ARID1B: variants seen among roughly 807,000 people sequenced by gnomAD.
The protein encoded by ARID1B is AT-rich interaction domain 1B.
ARID1B carries 30 observed loss-of-function variants against 212.3 expected under a neutral mutation model. The ratio of observed to expected loss-of-function variants is 0.14; its 90% confidence interval spans 0.11 to 0.19. ARID1B has a LOEUF of 0.19. Among genes scored for constraint, ARID1B ranks in the 10% least tolerant of loss-of-function variants. ARID1B has a pLI of 1.00. For synonymous variants in ARID1B, 1,402 were observed against 1,301.7 expected (o/e 1.08, Z -1.66); for missense variants, 2,891 against 3,204.0 (o/e 0.90, Z 2.36).
At chr6:156,970,579 C>T (rs1776859109) in intron 4 of ARID1B, among the ~76,000 whole-genome samples, 1 of 152,166 alleles carries the variant, frequency 6.6e-6, no homozygotes, top group South Asian at 2.1e-4. Flanking sequence ...TATTTTATTC[C>T]TATTTCATTA....
intron 8 of ARID1B, among the ~76,000 whole-genome samples, chr6:157,165,122 T>A (rs545170284): frequency 6.6e-6 from 1 of 152,316 alleles, no homozygotes; most frequent in South Asian, 2.1e-4. Flanking sequence ...CCCTGAACCA[T>A]ATAGGGATGT....
At chr6:157,044,740 G>A (rs1415457012) in intron 4 of ARID1B, among the ~76,000 whole-genome samples, 1 of 152,146 alleles carries the variant, frequency 6.6e-6, no homozygotes, top group African/African-American at 2.4e-5. Flanking sequence ...GCAGCCACCA[G>A]CCATGTGTGG....
At chr6:157,131,840 G>A (rs1400518570) in intron 6 of ARID1B, among the ~76,000 whole-genome samples, 4 of 152,064 alleles carry the variant, frequency 2.6e-5, no homozygotes, top group African/African-American at 9.7e-5. Flanking sequence ...ACAGGCACCT[G>A]CCACCGTGCC....
At chr6:156,924,269 T>C (rs904808299) in intron 3 of ARID1B, among the ~76,000 whole-genome samples, 3 of 152,230 alleles carry the variant, frequency 2.0e-5, no homozygotes, top group African/African-American at 7.2e-5. Context: ...AATTTCTTTT[T>C]CCTTTACAGT....
chr6:157,063,804 T>C (rs1024795233), intron 4 of ARID1B, among the ~76,000 whole-genome samples: 7 of 152,212 alleles, frequency 4.6e-5, no homozygotes, highest in African/African-American at 1.4e-4. Context: ...TATCACAGGG[T>C]GACATTCCTT....
At chr6:156,908,920 G>A (rs901754336) in intron 3 of ARID1B, among the ~76,000 whole-genome samples, 11 of 151,992 alleles carry the variant, frequency 7.2e-5, no homozygotes, top group African/African-American at 2.4e-4. Flanking sequence ...CAGATACACA[G>A]AATGACATAA....
chr6:156,954,931 C>T (rs913492778), intron 4 of ARID1B, among the ~76,000 whole-genome samples: 1 of 152,234 alleles, frequency 6.6e-6, no homozygotes, highest in African/African-American at 2.4e-5. Context: ...AGGGCAGGCT[C>T]CAAAGGCATG....
At chr6:157,110,606 C>A in intron 6 of ARID1B, 45 bp downstream of exon 6, 1 of 1,575,110 alleles carries the variant, frequency 6.3e-7, no homozygotes, top group Non-Finnish European at 8.7e-7. Flanking sequence ...TGCTTTCAGG[C>A]GATAAGGCGT....
chr6:156,860,087 A>G (rs891223440), intron 2 of ARID1B, among the ~76,000 whole-genome samples: 1 of 152,254 alleles, frequency 6.6e-6, no homozygotes, highest in Non-Finnish European at 1.5e-5. Flanking sequence ...CATTGCATAA[A>G]TGACATGAAT....
intron 13 of ARID1B, chr6:157,186,281 A>G: frequency 2.9e-6 from 1 of 348,524 alleles, no homozygotes; most frequent in Non-Finnish European, 5.8e-6. Flanking sequence ...TGTCATTTTT[A>G]TGGCAACATT....
chr6:157,061,550 A>G, intron 4 of ARID1B, among the ~76,000 whole-genome samples: 1 of 151,722 alleles, frequency 6.6e-6, no homozygotes, highest in East Asian at 1.9e-4. Context: ...TATTGCCTTT[A>G]CCATCTCAGG....
intron 5 of ARID1B, among the ~76,000 whole-genome samples, chr6:157,091,987 G>A (rs1785311979): frequency 6.6e-6 from 1 of 152,068 alleles, no homozygotes; most frequent in Admixed American, 6.6e-5. Context: ...TGGAAATCCT[G>A]CAACAGCTTG....
chr6:156,989,513 G>GTAGA (rs1778142357), intron 4 of ARID1B, among the ~76,000 whole-genome samples: 1 of 152,150 alleles, frequency 6.6e-6, no homozygotes, highest in African/African-American at 2.4e-5. Context: ...TTACTCAAAG[G>GTAGA]TAGATAGTCA....
chr6:157,038,807 T>C (rs1781501463), intron 4 of ARID1B, among the ~76,000 whole-genome samples: 2 of 152,212 alleles, frequency 1.3e-5, no homozygotes, highest in Non-Finnish European at 1.5e-5. Context: ...AGCAACGTTA[T>C]AGAAGATTAG....
chr6:156,952,149 T>A (rs568018262), intron 4 of ARID1B, among the ~76,000 whole-genome samples: 8 of 152,324 alleles, frequency 5.3e-5, no homozygotes, highest in Non-Finnish European at 1.0e-4. Flanking sequence ...CATGTGTTTT[T>A]CTTTGTTTTG....
At chr6:156,924,511 T>A (rs1000460608) in intron 3 of ARID1B, among the ~76,000 whole-genome samples, 1 of 152,242 alleles carries the variant, frequency 6.6e-6, no homozygotes, top group Non-Finnish European at 1.5e-5. Flanking sequence ...AGCTCCTAAG[T>A]GACCAGTGGA....
chr6:156,921,787 A>T (rs1413841093), intron 3 of ARID1B, among the ~76,000 whole-genome samples: 2 of 152,192 alleles, frequency 1.3e-5, no homozygotes, highest in African/African-American at 4.8e-5. Flanking sequence ...AGCATTATTG[A>T]TACAATGCAA....
chr6:157,150,180 T>A (rs1159591659), intron 8 of ARID1B: 2 of 152,236 alleles, frequency 1.3e-5, no homozygotes, highest in Admixed American at 6.5e-5. Flanking sequence ...TTTCTTTTTT[T>A]AAGTAGAAAG....
chr6:156,912,729 ACACT>A lies in ARID1B; in HGVS notation c.2136+11206_2136+11209del, dbSNP rs1582933567. Among the ~76,000 whole-genome samples the A allele has an allele frequency of 2.0e-5, 3 of 152,276 alleles. No homozygotes were observed. In the East Asian group the frequency reaches 5.8e-4, roughly 29 times the overall value. ...ATCATGTCTGCCTTCTGTGATGTAC[ACACT>A]CTGCCAGAAATCTCCTTGTTCCTCT... On this transcript the variant is annotated intron_variant, in intron 3 of 19. Coordinates refer to ENST00000636930, the MANE Select transcript of ARID1B (RefSeq NM_001374828.1).
Sources: gnomAD v4.1 joint callset for allele counts (sites outside exome capture counted in the v4.1 genomes callset) on GRCh38, gnomAD v4.1.1 for gene constraint, MANE v1.5 for transcripts, NCBI Gene and HGNC (gene_info 2026-07-23, HGNC 2026-07-21) for gene names.